The following CDH18 variants were observed in gnomAD, a reference collection of about 807,000 sequenced individuals.
The protein encoded by CDH18 is cadherin-18.
CDH18 carries 31 observed loss-of-function variants against 67.9 expected under a neutral mutation model. The observed-to-expected ratio is 0.46, with a 90% CI of 0.34 to 0.62. CDH18 has a LOEUF of 0.62. CDH18 is among the 20% of genes least tolerant of loss of function. CDH18 has a pLI of 0.01. For synonymous variants in CDH18, 362 were observed against 347.2 expected (o/e 1.04, Z -0.48); for missense variants, 890 against 975.5 (o/e 0.91, Z 1.17).
chr5:20,202,529 T>C (rs1739531627), intron 2 of CDH18, among the ~76,000 whole-genome samples: 1 of 152,104 alleles, frequency 6.6e-6, no homozygotes, highest in African/African-American at 2.4e-5. Context: ...GTGTAAAAAT[T>C]AGTCTAAATC....
intron 3 of CDH18, among the ~76,000 whole-genome samples, chr5:19,814,028 G>A (rs1051006928): frequency 2.6e-5 from 4 of 151,768 alleles, no homozygotes; most frequent in Middle Eastern, 3.2e-3. Context: ...GGATGAGGAG[G>A]ATAGGAGAAT....
intron 2 of CDH18, among the ~76,000 whole-genome samples, chr5:20,063,309 C>G (rs890077513): frequency 2.6e-5 from 4 of 151,600 alleles, no homozygotes; most frequent in African/African-American, 9.7e-5. Context: ...CTGTACTATA[C>G]TTTTTAATTT....
intron 2 of CDH18, among the ~76,000 whole-genome samples, chr5:20,050,975 C>A (rs1241502258): frequency 6.6e-6 from 1 of 151,636 alleles, no homozygotes; most frequent in Non-Finnish European, 1.5e-5. Context: ...AATTTTAAGA[C>A]CATGAGTCAG....
intron 1 of CDH18, among the ~76,000 whole-genome samples, chr5:20,536,174 A>G (rs965974240): frequency 1.3e-5 from 2 of 152,172 alleles, no homozygotes; most frequent in East Asian, 1.9e-4. Context: ...AGCAGTTTAC[A>G]TACTACATAT....
intron 8 of CDH18, among the ~76,000 whole-genome samples, chr5:19,552,333 T>C (rs530172283): frequency 2.0e-4 from 31 of 152,220 alleles, no homozygotes; most frequent in Middle Eastern, 3.4e-3. Flanking sequence ...AGAATCATAG[T>C]TCTGGAAATA....
rs1243302894 is a variant in CDH18 at position 20,209,679 on chromosome 5, T to C, written c.-518+45765A>G. 3.9e-5 allele frequency among the ~76,000 whole-genome samples: 6 copies of C among 152,000 alleles called. 1 individual carries two copies. The highest frequency in any genetic ancestry group is 3.9e-4 in the Admixed American group (6 of 15,238). On this transcript the variant is annotated intron_variant, in intron 2 of 14. Coordinates refer to the CDH18 transcript ENST00000507958. ...AAAAGAAATAAGTCCTAATGATGGA[T>C]AGATCATTAAGATGACAATCACTGA...
intron 6 of CDH18, among the ~76,000 whole-genome samples, chr5:19,600,312 C>A (rs1746902569): frequency 1.3e-5 from 2 of 151,216 alleles, no homozygotes; most frequent in South Asian, 2.1e-4. Context: ...CAAACCTGCA[C>A]GTTGTGCACA....
At chr5:19,732,795 A>C (rs2150647435) in intron 4 of CDH18, among the ~76,000 whole-genome samples, 1 of 152,324 alleles carries the variant, frequency 6.6e-6, no homozygotes, top group Middle Eastern at 3.4e-3. Context: ...TATCTTCGGC[A>C]CTAGATTCTT....
intron 11 of CDH18, among the ~76,000 whole-genome samples, chr5:19,493,120 T>C (rs1022653822): frequency 6.6e-6 from 1 of 152,204 alleles, no homozygotes; most frequent in African/African-American, 2.4e-5. Context: ...TGGAACAGCC[T>C]CTATCCTTAA....
At chr5:19,628,185 G>T (rs557167329) in intron 5 of CDH18, among the ~76,000 whole-genome samples, 1 of 151,994 alleles carries the variant, frequency 6.6e-6, no homozygotes, top group African/African-American at 2.4e-5. Flanking sequence ...TTCCTCTTTC[G>T]CTTGATTCTC....
At chr5:19,895,142 T>C (rs543198770) in intron 2 of CDH18, among the ~76,000 whole-genome samples, 1 of 152,272 alleles carries the variant, frequency 6.6e-6, no homozygotes, top group East Asian at 1.9e-4. Context: ...GCTGAATTTA[T>C]GGGAAAAATC....
intron 1 of CDH18, among the ~76,000 whole-genome samples, chr5:20,467,654 G>A (rs1751734484): frequency 6.6e-6 from 1 of 152,088 alleles, no homozygotes. Flanking sequence ...AACAACATTA[G>A]CTAACACATA....
At chr5:20,197,585 G>T (rs1739082203) in intron 2 of CDH18, among the ~76,000 whole-genome samples, 1 of 152,282 alleles carries the variant, frequency 6.6e-6, no homozygotes, top group Middle Eastern at 3.4e-3. Flanking sequence ...CTCCACAGTG[G>T]CAGTGATCAT....
intron 1 of CDH18, among the ~76,000 whole-genome samples, chr5:20,522,970 T>C (rs73062665): frequency 0.011 from 1,714 of 152,266 alleles, 35 homozygotes; most frequent in African/African-American, 0.04. Flanking sequence ...GCATTTTACT[T>C]TCTTTGAAGT....
chr5:20,225,090 G>A (rs949173776), intron 2 of CDH18, among the ~76,000 whole-genome samples: 11 of 152,084 alleles, frequency 7.2e-5, no homozygotes, highest in East Asian at 1.9e-4. Flanking sequence ...AGCTCTTTTC[G>A]TCATTTTCTT....
intron 12 of CDH18, among the ~76,000 whole-genome samples, chr5:19,482,411 T>C (rs1179779697): frequency 2.0e-5 from 3 of 152,238 alleles, no homozygotes; most frequent in Non-Finnish European, 2.9e-5. Flanking sequence ...CCACCGCACC[T>C]GGCCAAAAAT....
intron 8 of CDH18, among the ~76,000 whole-genome samples, chr5:19,556,635 G>A (rs1315340020): frequency 6.6e-6 from 1 of 151,958 alleles, no homozygotes; most frequent in East Asian, 1.9e-4. Flanking sequence ...TATATTAAAT[G>A]AACAAACATA....
At chr5:20,261,709 C>T (rs1036186244) in intron 1 of CDH18, among the ~76,000 whole-genome samples, 64 of 151,070 alleles carry the variant, frequency 4.2e-4, no homozygotes, top group East Asian at 1.4e-3. Context: ...CCAGCCTGGG[C>T]GACAGAGCGA....
At chr5:20,286,539 C>A (rs1339288042) in intron 1 of CDH18, among the ~76,000 whole-genome samples, 1 of 151,644 alleles carries the variant, frequency 6.6e-6, no homozygotes, top group Admixed American at 6.6e-5. Flanking sequence ...GTACTTGGAG[C>A]TATTTTATTT....
Sources: allele counts gnomAD v4.1 joint callset (sites outside exome capture counted in the v4.1 genomes callset), GRCh38; gene constraint gnomAD v4.1.1; transcripts MANE v1.5; gene names NCBI Gene and HGNC (gene_info 2026-07-23, HGNC 2026-07-21).